ACD: variants seen among roughly 807,000 people sequenced by gnomAD.
ACD encodes adrenocortical dysplasia protein homolog.
Under a neutral mutation model 53.9 loss-of-function variants are expected in ACD, and 39 were observed. The observed-to-expected ratio is 0.72, with a 90% CI of 0.56 to 0.95. The LOEUF (loss-of-function observed/expected upper bound fraction) is 0.95, where lower values mean the gene tolerates loss of function less well. Among genes scored for constraint, ACD ranks in the 40% least tolerant of loss-of-function variants. The pLI is 0.00. For missense variants in ACD, 526 were observed against 587.9 expected, an observed-to-expected ratio of 0.89 and a Z score of 1.09; for synonymous variants, 273 against 249.2, an observed-to-expected ratio of 1.10 and a Z score of -0.90.
At chr16:67,658,463 C>A in intron 9 of ACD, 92 bp downstream of exon 9, 8 of 1,597,178 alleles carry the variant, frequency 5.0e-6, no homozygotes, top group Non-Finnish European at 6.8e-6. Context: ...GTTCATCCCC[C>A]ACCCACCGTG....
chr16:67,658,571 G>A lies in ACD; in HGVS notation c.813C>T (p.Ser271=), dbSNP rs878924464. ...LSLTLIASPP[S]SPSSSGTPAL... is the part of the protein sequence containing the mutation. ...TCACCTCACCTGAGGAACTGGGTGA[G>A]GAAGGAGGAGAGGCTATGAGGGTCA... The change falls in exon 9 of 12, where the codon TCC becomes TCT. Residue 271 remains serine (S), a synonymous_variant. Coordinates refer to ENST00000620761, the MANE Select transcript of ACD (RefSeq NM_001082486.2). The A allele has an allele frequency of 1.3e-6, 2 of 1,569,084 alleles. No individual in the cohort carries two copies. The highest frequency in any genetic ancestry group is 8.6e-7 in the Non-Finnish European group (1 of 1,156,278).
In ACD at chr16:67,659,809, G is replaced by A. The variant is rs531965174; in HGVS notation, c.243-14C>T. The A allele has an allele frequency of 2.5e-6, 4 of 1,598,850 alleles. No homozygotes were observed. The East Asian group carries it at 9.0e-5, about 36-fold the overall frequency. On this transcript the variant is annotated splice_polypyrimidine_tract_variant and intron_variant, in intron 2 of 11. Transcript: ENST00000620761. ...TCCTTCTCCTCCCTGCAACAAGCAG[G>A]ATCCTCACTGCCGGGCCCACCTGAA...
rs2052904279 is a variant in ACD at position 67,657,910 on chromosome 16, G to A, written c.1207-57C>T. 2 of 1,612,340 alleles carry A rather than the reference G, an allele frequency of 1.2e-6. No individual in the cohort carries two copies. Among genetic ancestry groups the A allele is most frequent in the East Asian group, 2.2e-5 (1 of 44,872 alleles). On this transcript the variant is annotated intron_variant, in intron 10 of 11. Coordinates refer to ENST00000620761, the MANE Select transcript of ACD (RefSeq NM_001082486.2). The surrounding 1 kb of genome is among the most constrained non-coding windows in gnomAD (Gnocchi z 4.5). ...AACAAGGACCCCAACCCCATCCAAGGCTACCCATGCTCCCTCCCAGCTCTA... is the reference window on the plus strand; with the variant it reads ...AACAAGGACCCCAACCCCATCCAAGACTACCCATGCTCCCTCCCAGCTCTA...
chr16:67,658,442 G>A, intron 9 of ACD, 80 bp from the exon 10 acceptor site: 1 of 1,606,166 alleles, frequency 6.2e-7, no homozygotes, highest in South Asian at 1.1e-5. Flanking sequence ...AGACAGGACT[G>A]CAGGGACCGT....
intron 6 of ACD, 73 bp downstream of exon 6, chr16:67,659,156 G>GGGAGGGAGA: frequency 6.2e-7 from 1 of 1,609,492 alleles, no homozygotes; most frequent in South Asian, 1.1e-5. Context: ...ACAGCTTATT[G>GGGAGGGAGA]AGGAAGCATA....
chr16:67,659,738 G>A lies in ACD; in HGVS notation c.300C>T (p.Asp100=), dbSNP rs1160720460. Residue 100 remains aspartate (D), a synonymous_variant, in exon 3 of 12, where the codon GAC becomes GAT. Coordinates refer to ENST00000620761, the MANE Select transcript of ACD (RefSeq NM_001082486.2). ...CAGCGACCTGGACATGAACCCCGCA[G>A]TCCTGCAGCAGCAGCAGCCGGCCCT... ...GTEGRLLLLQ[D]CGVHVQVAEG... is the part of the protein sequence containing the mutation. 1.9e-6 allele frequency: 3 copies of A among 1,613,242 alleles called. No homozygotes were observed. The highest frequency in any genetic ancestry group is 2.5e-6 in the Non-Finnish European group (3 of 1,179,868).
Position 67,660,013 on chromosome 16 carries a change from G to T in ACD, c.132C>A (p.Gly44=). The change falls in exon 2 of 12, where the codon GGC becomes GGA. Residue 44 remains glycine (G), a synonymous_variant. Transcript: ENST00000620761. ...VLQDAEAAVA[G]PSHAPDTSDV... is the part of the protein sequence containing the mutation. Reference sequence around the variant, plus strand: ...CGGACGTATCAGGGGCGTGGGATGGGCCCGCGACCGCGGCCTCGGCGTCCT... The same window carrying T: ...CGGACGTATCAGGGGCGTGGGATGGTCCCGCGACCGCGGCCTCGGCGTCCT... The T allele has an allele frequency of 6.2e-7, 1 of 1,606,710 alleles. No individual in the cohort carries two copies.
At chr16:67,658,684 C>G (rs1464534962) in intron 8 of ACD, 36 bp downstream of exon 8, 1 of 1,593,910 alleles carries the variant, frequency 6.3e-7, no homozygotes, top group African/African-American at 1.3e-5. Context: ...GGACCTGGGC[C>G]CCAGGTATCC....
intron 3 of ACD, 43 bp from the exon 4 acceptor site, chr16:67,659,656 G>C (rs1037491847): frequency 1.9e-6 from 3 of 1,612,910 alleles, no homozygotes; most frequent in East Asian, 4.5e-5. Context: ...GAATCGTCAC[G>C]AAGAGTCATG....
chr16:67,658,642 C>T lies in ACD; in HGVS notation c.743-1G>A, dbSNP rs1160887263. 6.3e-7 allele frequency: 1 copy of T among 1,579,776 alleles called. No individual in the cohort carries two copies. The highest frequency in any genetic ancestry group is 8.6e-7 in the Non-Finnish European group (1 of 1,160,870). On this transcript the variant is annotated splice_acceptor_variant, in intron 8 of 11. Transcript: ENST00000620761. LOFTEE classifies it high-confidence loss of function. ...GGGTCTGGTGGGGGCAGCTCAGGGC[C>T]TGGGGGGTTCAGGAAGTCTTATCAG...
At position 67,657,667 on chromosome 16, in the gene ACD, A is replaced by T. The variant is rs202222217; in HGVS notation, c.1316T>A (p.Met439Lys). ...CATCAGAAAGTGCAAGGCCCAGGCC[A>T]TGAGCTGGGGAGGAAGCCTGGAAAG... Reference protein sequence around the residue: ...VQAVRLPPQLMAWALHFLMDA... With the variant: ...VQAVRLPPQLKAWALHFLMDA... Residue 439 changes from methionine (M) to lysine (K), a missense_variant, in exon 12 of 12, where the codon ATG (methionine) becomes AAG (lysine). Transcript: ENST00000620761. This position sits in a 1 kb window ranked among gnomAD's most constrained non-coding sequence, Gnocchi z 4.5. The T allele has an allele frequency of 6.2e-7, 1 of 1,614,056 alleles. No homozygotes were observed. The highest frequency in any genetic ancestry group is 8.5e-7 in the Non-Finnish European group (1 of 1,180,052).
chr16:67,660,193 G>T lies in ACD; in HGVS notation c.28C>A (p.Arg10=), dbSNP rs775787415. The change falls in exon 1 of 12, where the codon CGG becomes AGG. Residue 10 remains arginine (R), a synonymous_variant. Transcript: ENST00000620761. ...AGAATCAGCTCCCGAATCCAGGGCC[G>T]TAGGACCAGCCTCCCCGAACCTGCC... is the stretch of plus-strand genomic sequence containing the variant. MAGSGRLVL[R]PWIRELILGS... 4.3e-6 allele frequency: 7 copies of T among 1,612,536 alleles called. No homozygotes were observed. In the African/African-American group the frequency reaches 6.7e-5, roughly 15 times the overall value.
rs534010648 is a variant in ACD, at chr16:67,660,249, G to A, written c.-29C>T. ...CACGGCTACACCCAGCGGATGCAACGGGCCCGGGTTTCCCGCGGGCGCCCA... is the reference window on the plus strand; with the variant it reads ...CACGGCTACACCCAGCGGATGCAACAGGCCCGGGTTTCCCGCGGGCGCCCA... On this transcript the variant is annotated 5_prime_UTR_variant, in exon 1 of 12. Transcript: ENST00000620761. The A allele has an allele frequency of 9.3e-6, 15 of 1,612,358 alleles. No individual in the cohort carries two copies. The highest frequency in any genetic ancestry group is 2.2e-5 in the East Asian group (1 of 44,860).
rs2052958529 is a variant in ACD at position 67,659,608 on chromosome 16, T to G, written c.342A>C (p.Ala114=). 6.2e-7 allele frequency: 1 copy of G among 1,613,296 alleles called. No homozygotes were observed. The highest frequency in any genetic ancestry group is 8.5e-7 in the Non-Finnish European group (1 of 1,179,950). ...AGCGGTCCACCTGGAGATAGAACTC[T>G]GCGGGCTGGAGGAGTTCGGGGGGAA... The part of the protein sequence containing the change: ...HVQVAEGGAP[A]EFYLQVDRFS... Residue 114 remains alanine (A), a synonymous_variant, in exon 4 of 12, where the codon GCA becomes GCC. Coordinates refer to ENST00000620761, the MANE Select transcript of ACD (RefSeq NM_001082486.2).
Position 67,660,128 on chromosome 16 carries a change from C to T in ACD, c.93G>A (p.Leu31=). The T allele has an allele frequency of 1.9e-6, 3 of 1,612,572 alleles. No individual in the cohort carries two copies. The South Asian group carries it at 3.3e-5, about 18-fold the overall frequency. ...ETPSSPRAGQ[L]LEVLQDAEAA... is the part of the protein sequence containing the mutation. ...GCCCTGAATGGGGGCTCACCTCAAG[C>T]AGCTGCCCGGCTCGTGGACTGGAGG... Residue 31 remains leucine (L), a synonymous_variant, in exon 1 of 12, where the codon CTG becomes CTA. Coordinates refer to ENST00000620761, the MANE Select transcript of ACD (RefSeq NM_001082486.2).
exon 1 of ACD, chr16:67,660,257 GTTTCCCGCGGGCGCCCAGGCCCCGCC>G (rs1339425052): frequency 6.2e-6 from 10 of 1,612,388 alleles, no homozygotes; most frequent in East Asian, 2.2e-4. Context: ...ACGGGCCCGG[GTTTCCCGCGGGCGCCCAGGCCCCGCC>G]TTTCCTCGGA....
In ACD at chr16:67,660,240, G is replaced by T; in HGVS notation, c.-20C>A. 4.3e-6 allele frequency: 7 copies of T among 1,612,572 alleles called. No individual in the cohort carries two copies. Among genetic ancestry groups the T allele is most frequent in the Non-Finnish European group, 5.9e-6 (7 of 1,179,902 alleles). On this transcript the variant is annotated 5_prime_UTR_variant, in exon 1 of 12. Coordinates refer to ENST00000620761, the MANE Select transcript of ACD (RefSeq NM_001082486.2). Reference sequence around the variant, plus strand: ...TGCCATCCCCACGGCTACACCCAGCGGATGCAACGGGCCCGGGTTTCCCGC... The same window carrying T: ...TGCCATCCCCACGGCTACACCCAGCTGATGCAACGGGCCCGGGTTTCCCGC...
chr16:67,657,530 C>T lies in ACD; in HGVS notation c.*76G>A. On this transcript the variant is annotated 3_prime_UTR_variant, in exon 12 of 12. Transcript: ENST00000620761. This position sits in a 1 kb window ranked among gnomAD's most constrained non-coding sequence, Gnocchi z 4.5. ...GCCCCAATCCCTGATCCTCTCCTCT[C>T]CTGCCGCATGAGATTATTTTATTAA... is the stretch of plus-strand genomic sequence containing the variant. The T allele has an allele frequency of 6.2e-7, 1 of 1,613,688 alleles. No homozygotes were observed. The highest frequency in any genetic ancestry group is 8.5e-7 in the Non-Finnish European group (1 of 1,179,728).
rs150078051 is a variant in ACD, at chr16:67,657,649, A to G, written c.1334T>C (p.Phe445Ser). The change falls in exon 12 of 12, where the codon TTT becomes TCT. Residue 445 changes from phenylalanine (F) to serine (S), a missense_variant. Phe to Ser is a radical substitution (Grantham distance 155). Coordinates refer to ENST00000620761, the MANE Select transcript of ACD (RefSeq NM_001082486.2). The surrounding 1 kb of genome is among the most constrained non-coding windows in gnomAD (Gnocchi z 4.5). Reference sequence around the variant, plus strand: ...AGACCCTGGCTGTGCATCCATCAGAAAGTGCAAGGCCCAGGCCATGAGCTG... The same window carrying G: ...AGACCCTGGCTGTGCATCCATCAGAGAGTGCAAGGCCCAGGCCATGAGCTG... ...PPQLMAWALH[F>S]LMDAQPGSEP... The G allele has an allele frequency of 2.5e-5, 40 of 1,614,060 alleles. No homozygotes were observed. The African/African-American group carries it at 4.7e-4, about 19-fold the overall frequency.
Sources: gnomAD v4.1 joint callset for allele counts on GRCh38, gnomAD v4.1.1 for gene constraint, Gnocchi (gnomAD v3.1) non-coding constraint, MANE v1.5 for transcripts, NCBI Gene and HGNC (gene_info 2026-07-23, HGNC 2026-07-21) for gene names.